PTTG1IP2: variants seen among roughly 807,000 people sequenced by gnomAD.
PTTG1IP2 encodes the protein PTTG1IP family member 2.
chr7:90,496,297 A>G (rs1797990192), intron 6 of PTTG1IP2, among the ~76,000 whole-genome samples: 1 of 152,178 alleles, frequency 6.6e-6, no homozygotes, highest in African/African-American at 2.4e-5. Context: ...ATGGGAGACC[A>G]TTTATTACTG....
At chr7:90,475,629 AAT>A (rs1562983333) in intron 1 of PTTG1IP2, among the ~76,000 whole-genome samples, 1 of 152,200 alleles carries the variant, frequency 6.6e-6, no homozygotes, top group Non-Finnish European at 1.5e-5. Flanking sequence ...GGAGGAGAGA[AAT>A]GGAAGAGAGG....
intron 3 of PTTG1IP2, among the ~76,000 whole-genome samples, 179 bp downstream of exon 3, chr7:90,487,599 T>C (rs1797889471): frequency 6.6e-6 from 1 of 152,214 alleles, no homozygotes; most frequent in Non-Finnish European, 1.5e-5. Flanking sequence ...GTTCTGCATA[T>C]GTATCCCAGA....
chr7:90,481,860 T>C (rs1797818805), intron 2 of PTTG1IP2, among the ~76,000 whole-genome samples: 1 of 152,150 alleles, frequency 6.6e-6, no homozygotes, highest in Non-Finnish European at 1.5e-5. Flanking sequence ...AAGCATTCAA[T>C]AACTATTGAA....
At chr7:90,508,132 T>C (rs1259765079) in intron 6 of PTTG1IP2, among the ~76,000 whole-genome samples, 7 of 151,636 alleles carry the variant, frequency 4.6e-5, no homozygotes, top group African/African-American at 1.7e-4. Context: ...GGCATGGTGG[T>C]GGTGCACGCC....
At chr7:90,499,188 T>C (rs533826661) in intron 6 of PTTG1IP2, among the ~76,000 whole-genome samples, 5 of 152,316 alleles carry the variant, frequency 3.3e-5, no homozygotes, top group Non-Finnish European at 5.9e-5. Context: ...AGAATAAAGA[T>C]GAGTTATTTA....
At chr7:90,470,091 TC>T (rs1341150840) in intron 1 of PTTG1IP2, 160 bp downstream of exon 1, 1 of 152,480 alleles carries the variant, frequency 6.6e-6, no homozygotes, top group Non-Finnish European at 1.5e-5. Context: ...TTGGTGAAAC[TC>T]AGTTAAATTG....
chr7:90,470,834 C>T (rs952627996), intron 1 of PTTG1IP2, among the ~76,000 whole-genome samples: 1 of 152,062 alleles, frequency 6.6e-6, no homozygotes, highest in Non-Finnish European at 1.5e-5. Context: ...GGCCCCTTCT[C>T]CCAACAAACA....
intron 6 of PTTG1IP2, among the ~76,000 whole-genome samples, chr7:90,504,273 G>A (rs1798098876): frequency 6.6e-6 from 1 of 151,642 alleles, no homozygotes; most frequent in Non-Finnish European, 1.5e-5. Flanking sequence ...CCAAGATCAC[G>A]CCACTGCACT....
At chr7:90,502,630 G>A (rs1416437784) in intron 6 of PTTG1IP2, among the ~76,000 whole-genome samples, 1 of 152,174 alleles carries the variant, frequency 6.6e-6, no homozygotes, top group African/African-American at 2.4e-5. Context: ...TAATCTTTGT[G>A]TACATCTCCA....
intron 6 of PTTG1IP2, among the ~76,000 whole-genome samples, chr7:90,505,990 CAAAA>C (rs59521168): frequency 3.1e-4 from 24 of 77,346 alleles, no homozygotes; most frequent in African/African-American, 8.2e-4. Context: ...GACTCCGTCT[CAAAA>C]AAAAAAAAAA....
chr7:90,484,822 C>G (rs538901227), intron 2 of PTTG1IP2, among the ~76,000 whole-genome samples: 2 of 152,178 alleles, frequency 1.3e-5, no homozygotes, highest in Non-Finnish European at 2.9e-5. Flanking sequence ...TCTCATTTTC[C>G]TCTTTTCTTT....
chr7:90,484,592 A>G (rs1797847928), intron 2 of PTTG1IP2, among the ~76,000 whole-genome samples: 1 of 152,208 alleles, frequency 6.6e-6, no homozygotes, highest in Non-Finnish European at 1.5e-5. Context: ...TTACCAATTT[A>G]GGAATGTTGA....
chr7:90,512,298 T>G (rs553678258), intron 6 of PTTG1IP2, among the ~76,000 whole-genome samples: 2 of 152,062 alleles, frequency 1.3e-5, no homozygotes, highest in East Asian at 3.9e-4. Context: ...TAATTTAAAA[T>G]TGTGGCACTG....
At chr7:90,475,370 T>C (rs903621712) in intron 1 of PTTG1IP2, among the ~76,000 whole-genome samples, 3 of 152,216 alleles carry the variant, frequency 2.0e-5, no homozygotes, top group African/African-American at 7.2e-5. Context: ...CTAGGATGTA[T>C]GTCTCTCTCA....
chr7:90,498,641 TATAAG>T (rs1798025258), intron 6 of PTTG1IP2, among the ~76,000 whole-genome samples: 1 of 152,232 alleles, frequency 6.6e-6, no homozygotes, highest in Non-Finnish European at 1.5e-5. Flanking sequence ...ACACCAGTGA[TATAAG>T]ATGAAACTTT....
chr7:90,486,264 C>T (rs1797874090), intron 2 of PTTG1IP2, among the ~76,000 whole-genome samples: 2 of 152,108 alleles, frequency 1.3e-5, no homozygotes. Flanking sequence ...CCCCTATTTA[C>T]TAGGTATGCA....
intron 3 of PTTG1IP2, among the ~76,000 whole-genome samples, chr7:90,488,161 C>T (rs1011180002): frequency 7.2e-5 from 11 of 151,892 alleles, no homozygotes; most frequent in Admixed American, 3.9e-4. Context: ...GTGAAAAAAC[C>T]CAATCTAGAA....
intron 6 of PTTG1IP2, among the ~76,000 whole-genome samples, chr7:90,510,311 A>C (rs995019314): frequency 6.6e-6 from 1 of 152,238 alleles, no homozygotes; most frequent in Non-Finnish European, 1.5e-5. Flanking sequence ...AAGAAAAAAA[A>C]GTGCAAATTG....
intron 5 of PTTG1IP2, among the ~76,000 whole-genome samples, chr7:90,492,735 G>T (rs996195854): frequency 1.3e-5 from 2 of 152,112 alleles, no homozygotes; most frequent in African/African-American, 4.8e-5. Context: ...GATATTCATA[G>T]CTTCCCCTGC....
Sources: allele counts gnomAD v4.1 joint callset (sites outside exome capture counted in the v4.1 genomes callset), GRCh38; gene constraint gnomAD v4.1.1; transcripts MANE v1.5; gene names NCBI Gene and HGNC (gene_info 2026-07-23, HGNC 2026-07-21).